CDH13: variants seen among roughly 807,000 people sequenced by gnomAD.
The protein encoded by CDH13 is cadherin 13.
A neutral mutation model predicts 63.8 loss-of-function variants in CDH13; 24 were observed. The observed-to-expected ratio is 0.38, with a 90% CI of 0.27 to 0.53. The LOEUF (loss-of-function observed/expected upper bound fraction) is 0.53, where lower values mean the gene tolerates loss of function less well. Among genes scored for constraint, CDH13 ranks in the 20% least tolerant of loss-of-function variants. The pLI is 0.85. For missense variants in CDH13, 1,049 were observed against 903.1 expected (o/e 1.16, Z -2.07); for synonymous variants, 503 against 355.3 (o/e 1.42, Z -4.67).
chr16:83,792,435 A>G (rs1327545530), intron 13 of CDH13, among the ~76,000 whole-genome samples: 1 of 152,248 alleles, frequency 6.6e-6, no homozygotes, highest in Admixed American at 6.5e-5. Context: ...GAGCCTATTT[A>G]GTGGATTTTA....
intron 7 of CDH13, among the ~76,000 whole-genome samples, chr16:83,534,957 G>T (rs1427414215): frequency 6.6e-6 from 1 of 152,226 alleles, no homozygotes; most frequent in Non-Finnish European, 1.5e-5. Flanking sequence ...ACAATCTGAA[G>T]AAAGCAACAG....
intron 4 of CDH13, among the ~76,000 whole-genome samples, chr16:83,142,072 C>T (rs72800221): frequency 0.048 from 7,279 of 151,932 alleles, 233 homozygotes; most frequent in Middle Eastern, 0.1. Context: ...GGGAGAACAA[C>T]GGATATAACC....
At chr16:83,500,732 C>T (rs917004494) in intron 7 of CDH13, among the ~76,000 whole-genome samples, 2 of 150,266 alleles carry the variant, frequency 1.3e-5, no homozygotes, top group Admixed American at 1.3e-4. Flanking sequence ...CACCCACCAT[C>T]TTGCCCGGCT....
At chr16:83,498,383 A>G (rs1351518669) in intron 7 of CDH13, among the ~76,000 whole-genome samples, 2 of 152,226 alleles carry the variant, frequency 1.3e-5, no homozygotes, top group Non-Finnish European at 2.9e-5. Flanking sequence ...CCACCTGGAA[A>G]CAAAAAGACA....
At chr16:83,379,938 T>TATATATATATATATATATATAGAGAGAG in intron 6 of CDH13, among the ~76,000 whole-genome samples, 14 of 123,444 alleles carry the variant, frequency 1.1e-4, no homozygotes, top group African/African-American at 2.6e-4. Context: ...TATATATATA[T>TATATATATATATATATATATAGAGAGAG]AGAGAGAGAG....
intron 5 of CDH13, among the ~76,000 whole-genome samples, chr16:83,316,760 G>A (rs11149557): frequency 1 from 151,682 of 152,356 alleles, 75,509 homozygotes; most frequent in Middle Eastern, 1. Context: ...CACAGCTAAG[G>A]TATTAGTTGG....
At chr16:83,753,138 A>T (rs1913227080) in intron 11 of CDH13, among the ~76,000 whole-genome samples, 1 of 152,246 alleles carries the variant, frequency 6.6e-6, no homozygotes, top group South Asian at 2.1e-4. Context: ...AACATAAATT[A>T]AAAAGCCCTT....
At chr16:83,462,083 C>A (rs1164537285) in intron 6 of CDH13, among the ~76,000 whole-genome samples, 1 of 152,214 alleles carries the variant, frequency 6.6e-6, no homozygotes, top group Non-Finnish European at 1.5e-5. Context: ...ACTTGGAAAT[C>A]GTTTTAACAG....
intron 10 of CDH13, among the ~76,000 whole-genome samples, chr16:83,715,642 CTG>C (rs1420882365): frequency 6.6e-6 from 1 of 152,096 alleles, no homozygotes; most frequent in Non-Finnish European, 1.5e-5. Context: ...TCTTTGAGGG[CTG>C]TGTGTCGCTG....
At chr16:82,685,237 A>G (rs1222325906) in intron 1 of CDH13, among the ~76,000 whole-genome samples, 7 of 152,156 alleles carry the variant, frequency 4.6e-5, no homozygotes, top group Non-Finnish European at 1.5e-5. Flanking sequence ...ACAGTTCTGG[A>G]GGCTGGGATG....
intron 8 of CDH13, among the ~76,000 whole-genome samples, chr16:83,646,984 C>T (rs1455966773): frequency 2.6e-5 from 4 of 152,056 alleles, no homozygotes; most frequent in South Asian, 2.1e-4. Flanking sequence ...GCACCTGGGA[C>T]TGCAGGCTTT....
chr16:82,699,845 C>G (rs536363376), intron 1 of CDH13, among the ~76,000 whole-genome samples: 54 of 152,288 alleles, frequency 3.5e-4, no homozygotes, highest in African/African-American at 1.2e-3. Flanking sequence ...TTTTTACAAA[C>G]AATAAATAAT....
chr16:83,551,952 G>C (rs1396408897), intron 7 of CDH13, among the ~76,000 whole-genome samples: 1 of 152,214 alleles, frequency 6.6e-6, no homozygotes, highest in Non-Finnish European at 1.5e-5. Context: ...AAGTGGATAG[G>C]TGGATGGATG....
intron 10 of CDH13, among the ~76,000 whole-genome samples, chr16:83,713,441 G>A (rs1361762950): frequency 6.6e-6 from 1 of 151,784 alleles, no homozygotes; most frequent in East Asian, 1.9e-4. Context: ...GGGAGGGAGG[G>A]AGATTTTGAA....
chr16:83,658,318 TCAC>T, intron 8 of CDH13, among the ~76,000 whole-genome samples: 1 of 53,118 alleles, frequency 1.9e-5, no homozygotes, highest in Non-Finnish European at 3.9e-5. Flanking sequence ...TCCCGTATCC[TCAC>T]CAGCAAGGTC....
chr16:82,810,234 G>A (rs1029785846), intron 1 of CDH13, among the ~76,000 whole-genome samples: 11 of 152,176 alleles, frequency 7.2e-5, no homozygotes, highest in Non-Finnish European at 1.5e-4. Context: ...AGAATAACCT[G>A]CAATAAGCAG....
intron 2 of CDH13, among the ~76,000 whole-genome samples, chr16:82,929,188 C>G (rs554712820): frequency 1.6e-4 from 25 of 152,212 alleles, no homozygotes; most frequent in African/African-American, 5.8e-4. Context: ...AATGTTTGTG[C>G]TCCCCAGAAT....
chr16:83,703,535 C>T (rs940038924), intron 10 of CDH13, among the ~76,000 whole-genome samples: 5 of 152,122 alleles, frequency 3.3e-5, no homozygotes, highest in East Asian at 3.9e-4. Flanking sequence ...GTAAACGGTA[C>T]GATTCCAATT....
Position 83,440,906 on chromosome 16 carries a change from G to A in CDH13, c.782-45571G>A, listed in dbSNP as rs141011602. Among the ~76,000 whole-genome samples, 330 of 152,086 alleles carry A rather than the reference G, an allele frequency of 2.2e-3. 1 individual carries two copies. The highest frequency in any genetic ancestry group is 3.9e-3 in the Admixed American group (60 of 15,284). On this transcript the variant is annotated intron_variant, in intron 6 of 13. Transcript: ENST00000567109. Reference sequence around the variant, plus strand: ...CCAAGCGAAGAAAAGATGAACCCATGACTGTGACCTACCTGGAGGGTAGAC... The same window carrying A: ...CCAAGCGAAGAAAAGATGAACCCATAACTGTGACCTACCTGGAGGGTAGAC...
Sources: allele counts gnomAD v4.1 joint callset (sites outside exome capture counted in the v4.1 genomes callset), GRCh38; gene constraint gnomAD v4.1.1; transcripts MANE v1.5; gene names NCBI Gene and HGNC (gene_info 2026-07-23, HGNC 2026-07-21).